Variants in SMYD3 observed in about 807,000 individuals in gnomAD.
SMYD3 encodes SET and MYND domain containing 3.
SMYD3 carries 36 observed loss-of-function variants against 57.7 expected under a neutral mutation model. The ratio of observed to expected loss-of-function variants is 0.62; its 90% CI spans 0.48 to 0.82. The LOEUF is 0.82. Among genes scored for constraint, SMYD3 ranks in the 40% least tolerant of loss-of-function variants. The pLI, the probability that SMYD3 is intolerant of heterozygous loss-of-function variation, is 0.00. For synonymous variants in SMYD3, 211 were observed against 195.0 expected, an observed-to-expected ratio of 1.08 and a Z score of -0.68; for missense variants, 515 against 538.8, an observed-to-expected ratio of 0.96 and a Z score of 0.44.
At chr1:246,104,326 A>G (rs1205096971) in intron 5 of SMYD3, among the ~76,000 whole-genome samples, 1 of 152,222 alleles carries the variant, frequency 6.6e-6, no homozygotes, top group Non-Finnish European at 1.5e-5. Context: ...TGATTTAAAC[A>G]TTTACTGTGA....
intron 10 of SMYD3, among the ~76,000 whole-genome samples, chr1:245,855,329 G>GA (rs1384773158): frequency 6.6e-6 from 1 of 151,604 alleles, no homozygotes; most frequent in Non-Finnish European, 1.5e-5. Context: ...GGGCTGGGGG[G>GA]GGAATTTATA....
At position 246,219,090 on chromosome 1, in the gene SMYD3, C is replaced by T. The variant is rs532316585; in HGVS notation, c.531+108111G>A. Among the ~76,000 whole-genome samples the T allele has an allele frequency of 9.9e-5, 15 of 152,250 alleles. No individual in the cohort carries two copies. The South Asian group carries it at 2.7e-3, about 27-fold the overall frequency. On this transcript the variant is annotated intron_variant, in intron 5 of 11. Transcript: ENST00000490107. Reference sequence around the variant, plus strand: ...TTTCCCCTCCAACTATTGATAGGGACAGGGGGCAGAGAAATTCTAGGCAGA... The same window carrying T: ...TTTCCCCTCCAACTATTGATAGGGATAGGGGGCAGAGAAATTCTAGGCAGA...
chr1:246,350,262 C>T (rs2065802100), intron 2 of SMYD3, among the ~76,000 whole-genome samples: 1 of 152,194 alleles, frequency 6.6e-6, no homozygotes, highest in South Asian at 2.1e-4. Flanking sequence ...TACTCCATAA[C>T]AGAAGCTTTA....
At chr1:246,137,348 A>G (rs1047880996) in intron 5 of SMYD3, among the ~76,000 whole-genome samples, 42 of 152,198 alleles carry the variant, frequency 2.8e-4, no homozygotes, top group African/African-American at 1.0e-3. Context: ...CCCAAAGTGC[A>G]TACAAGGACA....
At chr1:246,472,097 A>G (rs2067968586) in intron 1 of SMYD3, among the ~76,000 whole-genome samples, 1 of 152,090 alleles carries the variant, frequency 6.6e-6, no homozygotes, top group Non-Finnish European at 1.5e-5. Context: ...AAAAGGAAAA[A>G]TGAAAACCAA....
chr1:246,059,940 C>T (rs2060221980), intron 5 of SMYD3, among the ~76,000 whole-genome samples: 1 of 151,934 alleles, frequency 6.6e-6, no homozygotes, highest in South Asian at 2.1e-4. Context: ...ATTTCAAATT[C>T]GACAGTGTTG....
chr1:245,953,988 A>G (rs977662632), intron 5 of SMYD3, among the ~76,000 whole-genome samples: 1 of 152,232 alleles, frequency 6.6e-6, no homozygotes, highest in Non-Finnish European at 1.5e-5. Context: ...TTTAAATCTG[A>G]TAATCCTCTT....
intron 5 of SMYD3, among the ~76,000 whole-genome samples, chr1:246,257,608 G>A (rs148246466): frequency 1.6e-4 from 24 of 152,166 alleles, no homozygotes; most frequent in Non-Finnish European, 7.3e-5. Flanking sequence ...AGACTGTTTA[G>A]ACCATTTACA....
chr1:246,250,536 A>C (rs1290382293), intron 5 of SMYD3, among the ~76,000 whole-genome samples: 1 of 152,180 alleles, frequency 6.6e-6, no homozygotes, highest in Non-Finnish European at 1.5e-5. Context: ...AAAGCTGCTC[A>C]CTGATAATAT....
intron 5 of SMYD3, among the ~76,000 whole-genome samples, chr1:246,036,861 G>A (rs946844569): frequency 2.0e-5 from 3 of 151,766 alleles, no homozygotes; most frequent in Non-Finnish European, 4.4e-5. Context: ...ACCACGCCTC[G>A]CCTTTTATTT....
intron 1 of SMYD3, among the ~76,000 whole-genome samples, chr1:246,368,573 G>A (rs754668178): frequency 3.3e-5 from 5 of 152,140 alleles, no homozygotes; most frequent in African/African-American, 9.7e-5. Flanking sequence ...TCTCTGTGAT[G>A]GTTAATACTG....
chr1:245,983,996 CTCTT>C (rs2058651913), intron 5 of SMYD3, among the ~76,000 whole-genome samples: 1 of 144,590 alleles, frequency 6.9e-6, no homozygotes, highest in Non-Finnish European at 1.5e-5. Flanking sequence ...ATCAAGTCTA[CTCTT>C]TTTTTTTTTT....
chr1:246,354,661 T>A (rs938927722), intron 2 of SMYD3, among the ~76,000 whole-genome samples: 1 of 125,538 alleles, frequency 8.0e-6, no homozygotes, highest in Admixed American at 8.2e-5. Context: ...TTTTTTTTTT[T>A]AAACATAGGA....
intron 5 of SMYD3, among the ~76,000 whole-genome samples, chr1:245,955,299 A>ATG (rs1458049258): frequency 6.6e-6 from 1 of 152,040 alleles, no homozygotes; most frequent in African/African-American, 2.4e-5. Flanking sequence ...GTTTCACCGC[A>ATG]TTAGCCAGGA....
At chr1:246,245,286 C>T (rs1344074678) in intron 5 of SMYD3, among the ~76,000 whole-genome samples, 2 of 151,958 alleles carry the variant, frequency 1.3e-5, no homozygotes, top group Non-Finnish European at 2.9e-5. Context: ...CTAGTAAAAA[C>T]ACAAACATTA....
intron 5 of SMYD3, among the ~76,000 whole-genome samples, chr1:246,258,984 T>G (rs147788436): frequency 1.3e-3 from 202 of 152,348 alleles, no homozygotes; most frequent in African/African-American, 4.8e-3. Context: ...CTGAAATTCT[T>G]TCTTCTACTT....
At chr1:246,152,579 T>C (rs1447267534) in intron 5 of SMYD3, among the ~76,000 whole-genome samples, 1 of 152,252 alleles carries the variant, frequency 6.6e-6, no homozygotes, top group African/African-American at 2.4e-5. Flanking sequence ...TTTTTCTCAT[T>C]TAATTGCATG....
intron 5 of SMYD3, among the ~76,000 whole-genome samples, chr1:245,940,014 G>A (rs1245594278): frequency 2.6e-5 from 4 of 152,180 alleles, no homozygotes; most frequent in Admixed American, 6.5e-5. Context: ...GCAGCATAGC[G>A]GCTATGGCAA....
intron 5 of SMYD3, among the ~76,000 whole-genome samples, chr1:246,322,890 TATTC>T (rs2065273763): frequency 6.6e-6 from 1 of 152,206 alleles, no homozygotes; most frequent in African/African-American, 2.4e-5. Flanking sequence ...ATCAAGCTCT[TATTC>T]TAACTCTACT....
Sources: gnomAD v4.1 joint callset for allele counts (sites outside exome capture counted in the v4.1 genomes callset) on GRCh38, gnomAD v4.1.1 for gene constraint, MANE v1.5 for transcripts, NCBI Gene and HGNC (gene_info 2026-07-23, HGNC 2026-07-21) for gene names.